Variants in CDH18 observed in about 807,000 individuals in gnomAD.
CDH18 encodes cadherin-18.
CDH18 carries 31 observed loss-of-function variants against 67.9 expected under a neutral mutation model. The ratio of observed to expected loss-of-function variants is 0.46; its 90% CI spans 0.34 to 0.62. The LOEUF (loss-of-function observed/expected upper bound fraction) is 0.62. Among genes scored for constraint, CDH18 ranks in the 20% least tolerant of loss-of-function variants. The probability of loss-of-function intolerance (pLI) is 0.01; values close to 1 mark genes in which losing one functional copy is unlikely to be tolerated. For missense variants in CDH18, 890 were observed against 975.5 expected (o/e 0.91, Z 1.17); for synonymous variants, 362 against 347.2 (o/e 1.04, Z -0.48).
intron 2 of CDH18, among the ~76,000 whole-genome samples, chr5:19,972,927 T>C (rs1798165410): frequency 6.6e-6 from 1 of 152,016 alleles, no homozygotes; most frequent in African/African-American, 2.4e-5. Flanking sequence ...TTATCCATTC[T>C]ACTACTGAAG....
chr5:20,297,858 C>T (rs1747662062), intron 1 of CDH18, among the ~76,000 whole-genome samples: 1 of 152,138 alleles, frequency 6.6e-6, no homozygotes, highest in African/African-American at 2.4e-5. Context: ...TTCTCTTCTG[C>T]CTGTCCTCCA....
intron 1 of CDH18, among the ~76,000 whole-genome samples, chr5:20,275,282 T>A (rs1196603552): frequency 2.0e-5 from 3 of 152,046 alleles, no homozygotes. Flanking sequence ...TGAGTTCTCA[T>A]GAGATCTGAT....
intron 2 of CDH18, among the ~76,000 whole-genome samples, chr5:19,958,732 A>T (rs1796512206): frequency 6.6e-6 from 1 of 152,062 alleles, no homozygotes; most frequent in Non-Finnish European, 1.5e-5. Flanking sequence ...ATATGCTTGA[A>T]CCAGTTTGTG....
intron 1 of CDH18, among the ~76,000 whole-genome samples, chr5:20,532,140 T>C (rs901050996): frequency 6.6e-6 from 1 of 152,116 alleles, no homozygotes; most frequent in Non-Finnish European, 1.5e-5. Context: ...CTTCTAGCTA[T>C]CTCATTAAAA....
chr5:20,525,513 C>T (rs1012875807), intron 1 of CDH18, among the ~76,000 whole-genome samples: 2 of 152,092 alleles, frequency 1.3e-5, no homozygotes, highest in East Asian at 3.9e-4. Flanking sequence ...TATGCCTGCC[C>T]TGCCTTCTTC....
chr5:19,993,449 A>G (rs1800092612), intron 2 of CDH18, among the ~76,000 whole-genome samples: 1 of 152,168 alleles, frequency 6.6e-6, no homozygotes, highest in African/African-American at 2.4e-5. Flanking sequence ...ATTGTATTTT[A>G]AGATTATAGC....
chr5:20,264,925 C>T (rs1211136145), intron 1 of CDH18, among the ~76,000 whole-genome samples: 2 of 151,836 alleles, frequency 1.3e-5, no homozygotes, highest in African/African-American at 4.8e-5. Flanking sequence ...ACTAGTTTCC[C>T]AAGAATGATT....
At chr5:20,005,540 C>T (rs1736830571) in intron 2 of CDH18, among the ~76,000 whole-genome samples, 1 of 150,754 alleles carries the variant, frequency 6.6e-6, no homozygotes, top group Admixed American at 6.6e-5. Context: ...TCTTTGTCAA[C>T]AATTTCTATA....
At chr5:19,903,651 A>G (rs1272548460) in intron 2 of CDH18, among the ~76,000 whole-genome samples, 1 of 136,748 alleles carries the variant, frequency 7.3e-6, no homozygotes, top group African/African-American at 2.7e-5. Context: ...CTCCAGGACT[A>G]TAAATACAAA....
intron 1 of CDH18, among the ~76,000 whole-genome samples, chr5:20,569,782 C>A (rs1022870437): frequency 6.6e-6 from 1 of 152,124 alleles, no homozygotes; most frequent in African/African-American, 2.4e-5. Context: ...ACCAAGATGA[C>A]CTTCAGTAGA....
chr5:19,612,639 A>G, intron 5 of CDH18, 38 bp from the exon 6 acceptor site: 5 of 1,447,272 alleles, frequency 3.5e-6, no homozygotes, highest in Non-Finnish European at 4.8e-6. Context: ...TATGAGCTAT[A>G]TAATAAGCAA....
chr5:20,122,480 T>A (rs1186239122), intron 2 of CDH18, among the ~76,000 whole-genome samples: 1 of 152,300 alleles, frequency 6.6e-6, no homozygotes, highest in East Asian at 1.9e-4. Flanking sequence ...ATAGAGAAAC[T>A]ATTAATTCCT....
intron 1 of CDH18, among the ~76,000 whole-genome samples, chr5:20,370,965 A>G (rs1030920175): frequency 1.3e-5 from 2 of 151,852 alleles, no homozygotes; most frequent in African/African-American, 2.4e-5. Context: ...TGAACCTGGG[A>G]AGTGGAGGTT....
At chr5:20,073,733 T>C (rs1743688452) in intron 2 of CDH18, among the ~76,000 whole-genome samples, 1 of 151,436 alleles carries the variant, frequency 6.6e-6, no homozygotes, top group African/African-American at 2.4e-5. Flanking sequence ...AAGAAAAAAA[T>C]GAAGGGCAAC....
chr5:20,201,422 T>C (rs1053546721), intron 2 of CDH18, among the ~76,000 whole-genome samples: 19 of 152,184 alleles, frequency 1.2e-4, no homozygotes, highest in African/African-American at 4.6e-4. Context: ...CACAGTTCAA[T>C]TAATGACATC....
chr5:20,475,276 G>A (rs571902276), intron 1 of CDH18, among the ~76,000 whole-genome samples: 1 of 151,070 alleles, frequency 6.6e-6, no homozygotes, highest in Non-Finnish European at 1.5e-5. Context: ...AATTCAAAAA[G>A]CATTTGCTGA....
chr5:20,106,027 GT>G (rs1248011407), intron 2 of CDH18, among the ~76,000 whole-genome samples: 1 of 151,944 alleles, frequency 6.6e-6, no homozygotes, highest in African/African-American at 2.4e-5. Context: ...GTTCTATTGT[GT>G]GTGTGTAGAA....
chr5:19,721,291 C>T (rs1766053524), intron 5 of CDH18, 56 bp downstream of exon 5: 2 of 1,474,170 alleles, frequency 1.4e-6, no homozygotes, highest in South Asian at 1.5e-5. Context: ...AAAACCATTG[C>T]TTTGCAACTT....
At chr5:19,549,132 G>C (rs1347841431) in intron 8 of CDH18, among the ~76,000 whole-genome samples, 1 of 152,152 alleles carries the variant, frequency 6.6e-6, no homozygotes, top group Non-Finnish European at 1.5e-5. Context: ...CATATTAAAA[G>C]CTAATTCCCA....
Sources: allele counts gnomAD v4.1 joint callset (sites outside exome capture counted in the v4.1 genomes callset), GRCh38; gene constraint gnomAD v4.1.1; transcripts MANE v1.5; gene names NCBI Gene and HGNC (gene_info 2026-07-23, HGNC 2026-07-21).